ABCB4: variants seen among roughly 807,000 people sequenced by gnomAD.
The protein encoded by ABCB4 is ATP binding cassette subfamily B member 4.
A neutral mutation model predicts 145.7 loss-of-function variants in ABCB4; 76 were observed. That is an observed-to-expected ratio of 0.52 (90% confidence interval 0.43 to 0.63). ABCB4 has a LOEUF of 0.63. ABCB4 is among the 30% of genes least tolerant of loss of function. ABCB4 has a pLI of 0.00. For missense variants in ABCB4, 1,234 were observed against 1,553.1 expected (o/e 0.79, Z 3.45); for synonymous variants, 517 against 566.8 (o/e 0.91, Z 1.25).
chr7:87,451,964 A>G (rs1481982001), intron 6 of ABCB4, among the ~76,000 whole-genome samples, 170 bp from the exon 7 acceptor site: 1 of 152,220 alleles, frequency 6.6e-6, no homozygotes, highest in Non-Finnish European at 1.5e-5. Flanking sequence ...CGCACAAAGG[A>G]AGAAATTCAG....
chr7:87,386,563 C>A, the ABCB4 span, among the ~76,000 whole-genome samples: 1 of 151,950 alleles, frequency 6.6e-6, no homozygotes, highest in Admixed American at 6.6e-5. Context: ...CTTATTCTAC[C>A]TACAGATTTG....
chr7:87,370,729 G>T, the ABCB4 span, among the ~76,000 whole-genome samples: 1 of 152,076 alleles, frequency 6.6e-6, no homozygotes, highest in Non-Finnish European at 1.5e-5. Context: ...CCTTCCCAGG[G>T]GCAGTCATTT....
chr7:87,369,421 G>A, the ABCB4 span: 2 of 1,613,162 alleles, frequency 1.2e-6, no homozygotes, highest in South Asian at 2.2e-5. Flanking sequence ...CTGTGTCGAG[G>A]CCGAGCTTTT....
intron 5 of ABCB4, among the ~76,000 whole-genome samples, chr7:87,454,252 A>G (rs1811962555): frequency 6.6e-6 from 1 of 152,198 alleles, no homozygotes; most frequent in Admixed American, 6.5e-5. Flanking sequence ...TCAAATGACA[A>G]AATTGGAATA....
chr7:87,472,162 C>T (rs2116982907), intron 3 of ABCB4, among the ~76,000 whole-genome samples: 1 of 152,188 alleles, frequency 6.6e-6, no homozygotes, highest in South Asian at 2.1e-4. Context: ...TATAATAAGC[C>T]AAACTTATAC....
chr7:87,424,719 T>C (rs1488591014), intron 16 of ABCB4, among the ~76,000 whole-genome samples: 1 of 152,236 alleles, frequency 6.6e-6, no homozygotes, highest in African/African-American at 2.4e-5. Context: ...TTTACATATT[T>C]CCATTTCTAG....
At chr7:87,435,659 G>A (rs1003995185) in intron 14 of ABCB4, among the ~76,000 whole-genome samples, 6 of 152,188 alleles carry the variant, frequency 3.9e-5, no homozygotes, top group African/African-American at 1.4e-4. Flanking sequence ...CAGCCCAGGT[G>A]ACCCTGAGCT....
At chr7:87,392,440 A>G in the ABCB4 span, 45 of 721,050 alleles carry the variant, frequency 6.2e-5, no homozygotes, top group East Asian at 1.1e-3. Flanking sequence ...AGTATGTGTT[A>G]TAGATCTTCC....
chr7:87,379,892 T>C, the ABCB4 span, among the ~76,000 whole-genome samples: 1 of 152,240 alleles, frequency 6.6e-6, no homozygotes, highest in African/African-American at 2.4e-5. Context: ...GGTGGGAGGA[T>C]TTGATTCCAG....
chr7:87,405,398 A>T (rs1808109942), intron 26 of ABCB4, among the ~76,000 whole-genome samples: 2 of 150,404 alleles, frequency 1.3e-5, no homozygotes, highest in South Asian at 4.2e-4. Context: ...AATATGAGGG[A>T]TCTTTATGGA....
At chr7:87,458,265 C>T (rs997510413) in intron 4 of ABCB4, among the ~76,000 whole-genome samples, 2 of 152,180 alleles carry the variant, frequency 1.3e-5, no homozygotes, top group African/African-American at 4.8e-5. Context: ...CCAACTCCGT[C>T]CTTAATGTTT....
rs766698345 is a variant in ABCB4, at chr7:87,409,373, A to G, written c.2944T>C (p.Phe982Leu). 5.6e-6 allele frequency: 9 copies of G among 1,614,076 alleles called. No individual in the cohort carries two copies. In the South Asian group the frequency reaches 9.9e-5, roughly 18 times the overall value. ...GCATGTCCTAGAGCCACTGCACCAAATACAATTGCAGAAAACACCCTAGAC... is the reference window on the plus strand; with the variant it reads ...GCATGTCCTAGAGCCACTGCACCAAGTACAATTGCAGAAAACACCCTAGAC... ...DVILVFSAIVFGAVALGHASS... is the reference protein window; with the variant it reads ...DVILVFSAIVLGAVALGHASS... The change falls in exon 24 of 28, where the codon TTT (phenylalanine) becomes CTT (leucine). Residue 982 changes from phenylalanine to leucine, a missense_variant. By Grantham distance (22) the Phe-to-Leu change is conservative. This residue lies in a region of ABCB4 where 301 missense variants were observed against 389.0 expected (regional missense o/e 0.77). Transcript: ENST00000649586.
the ABCB4 span, chr7:87,392,509 T>C: frequency 3.6e-6 from 5 of 1,379,138 alleles, no homozygotes; most frequent in Non-Finnish European, 3.1e-6. Flanking sequence ...TTAGGATTTT[T>C]TTCTAGTTGG....
chr7:87,465,381 C>A (rs1254388599), intron 3 of ABCB4, among the ~76,000 whole-genome samples: 1 of 152,104 alleles, frequency 6.6e-6, no homozygotes, highest in Admixed American at 6.5e-5. Context: ...GGCCAGGAAG[C>A]TCTTGAGTAG....
intron 18 of ABCB4, among the ~76,000 whole-genome samples, chr7:87,421,337 T>C (rs1241397090): frequency 2.6e-5 from 4 of 152,170 alleles, no homozygotes; most frequent in African/African-American, 9.7e-5. Flanking sequence ...CTCCATTTGC[T>C]GGCGGATTGC....
In ABCB4 at chr7:87,408,019, A is replaced by T; in HGVS notation, c.3279+18T>A. 3.7e-6 allele frequency: 6 copies of T among 1,612,678 alleles called. No individual in the cohort carries two copies. Among genetic ancestry groups the T allele is most frequent in the Non-Finnish European group, 5.1e-6 (6 of 1,179,876 alleles). On this transcript the variant is annotated intron_variant, in intron 25 of 27. Coordinates refer to ENST00000649586, the MANE Select transcript of ABCB4 (RefSeq NM_000443.4). ...TTAAAATATAGCCTTCAATCAAGTT[A>T]TAAGGAAATGTGCTCACCACTGTCC... is the stretch of plus-strand genomic sequence containing the variant.
At chr7:87,388,299 A>T in the ABCB4 span, among the ~76,000 whole-genome samples, 1 of 152,204 alleles carries the variant, frequency 6.6e-6, no homozygotes, top group Non-Finnish European at 1.5e-5. Flanking sequence ...TGGAACCAAA[A>T]AAGAGCCTGT....
chr7:87,450,018 C>A lies in ABCB4; in HGVS notation c.783G>T (p.Gly261=), dbSNP rs745414233. ...KAGAVAEEAL[G]AIRTVIAFGG... ...CGAAAGCTATCACAGTCCTGATGGC[C>A]CCCAGAGCCTCTTCTGCCACGGCGC... The change falls in exon 8 of 28, where the codon GGG becomes GGT. Residue 261 remains glycine (G), a synonymous_variant. Transcript: ENST00000649586. 11 of 1,614,158 alleles carry A rather than the reference C, an allele frequency of 6.8e-6. No homozygotes were observed. The highest frequency in any genetic ancestry group is 9.3e-6 in the Non-Finnish European group (11 of 1,180,026).
intron 15 of ABCB4, among the ~76,000 whole-genome samples, chr7:87,428,659 T>C (rs1810001345): frequency 6.6e-6 from 1 of 151,956 alleles, no homozygotes. Context: ...CACAAATCAA[T>C]GAGAATATCA....
Sources: allele counts gnomAD v4.1 joint callset (sites outside exome capture counted in the v4.1 genomes callset), GRCh38; gene constraint gnomAD v4.1.1; regional missense constraint gnomAD v4.1.1; transcripts MANE v1.5; gene names NCBI Gene and HGNC (gene_info 2026-07-23, HGNC 2026-07-21).